CIAO2A: variants seen among roughly 807,000 people sequenced by gnomAD.
The protein encoded by CIAO2A is cytosolic iron-sulfur assembly component 2A, also known as MIP18 family protein FAM96A.
In CIAO2A, 17 loss-of-function variants were observed where a neutral mutation model predicts 22.4. That is an observed-to-expected ratio of 0.76 (90% CI 0.52 to 1.14). CIAO2A has a LOEUF of 1.14. Among genes scored for constraint, CIAO2A ranks in the 50% most tolerant of loss-of-function variants. CIAO2A has a pLI of 0.00. For synonymous variants in CIAO2A, 74 were observed against 72.3 expected (o/e 1.02, Z -0.12); for missense variants, 192 against 191.4 (o/e 1.00, Z -0.02).
chr15:64,083,333 C>G (rs968888179), intron 2 of CIAO2A, among the ~76,000 whole-genome samples: 32 of 152,186 alleles, frequency 2.1e-4, no homozygotes, highest in African/African-American at 7.7e-4. Flanking sequence ...CCTACACCTT[C>G]TGACCTCCAA....
intron 2 of CIAO2A, among the ~76,000 whole-genome samples, chr15:64,084,345 C>T (rs182384738): frequency 2.6e-5 from 4 of 152,170 alleles, no homozygotes; most frequent in East Asian, 1.9e-4. Flanking sequence ...TTAACTCCTG[C>T]GTCAAACAGT....
intron 2 of CIAO2A, among the ~76,000 whole-genome samples, chr15:64,088,387 G>A (rs1180464466): frequency 6.6e-6 from 1 of 152,194 alleles, no homozygotes; most frequent in African/African-American, 2.4e-5. Flanking sequence ...GTGGAGTCAG[G>A]AGACCTGGGT....
At chr15:64,085,656 C>T (rs997172895) in intron 2 of CIAO2A, among the ~76,000 whole-genome samples, 6 of 152,008 alleles carry the variant, frequency 3.9e-5, no homozygotes, top group Admixed American at 6.5e-5. Flanking sequence ...AGTAACTTGC[C>T]GAAGCCCACA....
intron 1 of CIAO2A, 31 bp downstream of exon 1, chr15:64,093,614 G>A (rs1423582998): frequency 3.8e-6 from 6 of 1,597,356 alleles, no homozygotes; most frequent in Admixed American, 3.4e-5. Context: ...CACCTATAAC[G>A]CCAAATGCTG....
intron 3 of CIAO2A, among the ~76,000 whole-genome samples, chr15:64,077,419 A>G (rs1383142309): frequency 1.3e-5 from 2 of 152,242 alleles, no homozygotes; most frequent in Admixed American, 1.3e-4. Context: ...TTAAAATTAC[A>G]CAGGACTCAT....
chr15:64,076,810 G>A (rs982838332), intron 3 of CIAO2A, among the ~76,000 whole-genome samples: 3 of 147,076 alleles, frequency 2.0e-5, no homozygotes, highest in Non-Finnish European at 4.5e-5. Context: ...CTACAGCCTC[G>A]ACTTCCTGGG....
chr15:64,079,943 A>G (rs2080748064), intron 3 of CIAO2A, among the ~76,000 whole-genome samples: 1 of 152,238 alleles, frequency 6.6e-6, no homozygotes, highest in Non-Finnish European at 1.5e-5. Flanking sequence ...AGACTATATA[A>G]AGAACTCTTA....
At chr15:64,076,895 C>T (rs1307648673) in intron 3 of CIAO2A, among the ~76,000 whole-genome samples, 3 of 151,858 alleles carry the variant, frequency 2.0e-5, no homozygotes, top group Admixed American at 6.6e-5. Flanking sequence ...TTGTAGAGAC[C>T]GCGTATCGCC....
At chr15:64,080,713 C>A (rs1448896046) in intron 3 of CIAO2A, among the ~76,000 whole-genome samples, 1 of 151,738 alleles carries the variant, frequency 6.6e-6, no homozygotes, top group African/African-American at 2.4e-5. Context: ...CACTTCACAC[C>A]CACTAGAATG....
At chr15:64,082,386 A>G (rs999047045) in intron 2 of CIAO2A, among the ~76,000 whole-genome samples, 6 of 151,878 alleles carry the variant, frequency 4.0e-5, no homozygotes, top group African/African-American at 1.5e-4. Flanking sequence ...ACGCTACCAC[A>G]CCCACTAATT....
At chr15:64,073,936 C>T (rs2080695030) in intron 4 of CIAO2A, 1 of 152,152 alleles carries the variant, frequency 6.6e-6, no homozygotes, top group Non-Finnish European at 1.5e-5. Context: ...AACAAATACA[C>T]ATATATACAT....
intron 3 of CIAO2A, among the ~76,000 whole-genome samples, chr15:64,078,041 G>A (rs1309248726): frequency 6.6e-6 from 1 of 152,206 alleles, no homozygotes; most frequent in Non-Finnish European, 1.5e-5. Context: ...TAAACCAAAT[G>A]TGGCAAAATG....
chr15:64,079,373 T>C (rs2080744008), intron 3 of CIAO2A, among the ~76,000 whole-genome samples: 1 of 152,168 alleles, frequency 6.6e-6, no homozygotes, highest in Admixed American at 6.5e-5. Context: ...AGACCTCATC[T>C]CTACCAAAAA....
At chr15:64,078,495 G>A (rs759317339) in intron 3 of CIAO2A, among the ~76,000 whole-genome samples, 2 of 152,124 alleles carry the variant, frequency 1.3e-5, no homozygotes, top group Non-Finnish European at 2.9e-5. Flanking sequence ...ATTTAGCTGG[G>A]TGTGGTGGTA....
At chr15:64,077,451 GA>G (rs747119547) in intron 3 of CIAO2A, among the ~76,000 whole-genome samples, 13 of 152,168 alleles carry the variant, frequency 8.5e-5, no homozygotes, top group Admixed American at 1.3e-4. Context: ...TGATAAAGGG[GA>G]AAAGGCAGCA....
At chr15:64,093,505 A>T (rs2080861044) in intron 1 of CIAO2A, 140 bp downstream of exon 1, 2 of 1,036,470 alleles carry the variant, frequency 1.9e-6, no homozygotes, top group Non-Finnish European at 2.8e-6. Context: ...CCCGGACAAG[A>T]TCTGGCCAAA....
intron 1 of CIAO2A, among the ~76,000 whole-genome samples, chr15:64,089,399 A>C (rs566729153): frequency 6.6e-6 from 1 of 151,662 alleles, no homozygotes; most frequent in Admixed American, 6.6e-5. Flanking sequence ...GTAGTGGTGC[A>C]GGCCTGTGGT....
chr15:64,084,081 T>C (rs983173053), intron 2 of CIAO2A, among the ~76,000 whole-genome samples: 1 of 152,226 alleles, frequency 6.6e-6, no homozygotes, highest in Non-Finnish European at 1.5e-5. Flanking sequence ...AATCTAATGT[T>C]AGCACCCTTA....
At chr15:64,086,767 C>T (rs1595958655) in intron 2 of CIAO2A, among the ~76,000 whole-genome samples, 2 of 151,984 alleles carry the variant, frequency 1.3e-5, no homozygotes, top group African/African-American at 2.4e-5. Flanking sequence ...GTGCGTGCCA[C>T]CATGCCCAGC....
Sources: gnomAD v4.1 joint callset for allele counts (sites outside exome capture counted in the v4.1 genomes callset) on GRCh38, gnomAD v4.1.1 for gene constraint, MANE v1.5 for transcripts, NCBI Gene and HGNC (gene_info 2026-07-23, HGNC 2026-07-21) for gene names.